The following SPAG16 variants were observed in gnomAD, a reference collection of about 807,000 sequenced individuals.
SPAG16 encodes sperm-associated antigen 16 protein.
Under a neutral mutation model 80.4 loss-of-function variants are expected in SPAG16, and 86 were observed. The ratio of observed to expected loss-of-function variants is 1.07; its 90% CI spans 0.90 to 1.28. SPAG16 has a LOEUF of 1.28. Ranked by LOEUF, SPAG16 falls within the 50% of genes most tolerant of loss-of-function variation. The probability of loss-of-function intolerance (pLI) is 0.00; values close to 1 mark genes in which losing one functional copy is unlikely to be tolerated. For synonymous variants in SPAG16, 294 were observed against 265.9 expected, an observed-to-expected ratio of 1.11 and a Z score of -1.03; for missense variants, 870 against 765.3, an observed-to-expected ratio of 1.14 and a Z score of -1.61.
At chr2:213,850,340 C>A (rs1206494059) in intron 10 of SPAG16, among the ~76,000 whole-genome samples, 1 of 152,134 alleles carries the variant, frequency 6.6e-6, no homozygotes, top group African/African-American at 2.4e-5. Flanking sequence ...AAAAGCAAAA[C>A]AAATTTGTTT....
intron 15 of SPAG16, among the ~76,000 whole-genome samples, chr2:214,365,408 G>A (rs1699415668): frequency 6.6e-6 from 1 of 152,114 alleles, no homozygotes; most frequent in Admixed American, 6.6e-5. Context: ...TTGACTGATT[G>A]GAAGATGCTA....
chr2:213,825,701 C>CTTTTTTTTTT (rs55777958), intron 10 of SPAG16, among the ~76,000 whole-genome samples: 16 of 109,758 alleles, frequency 1.5e-4, no homozygotes, highest in East Asian at 2.6e-4. Context: ...TTCTTTCTTT[C>CTTTTTTTTTT]TTTTTTTTTT....
At chr2:213,799,847 A>G (rs1251522916) in intron 10 of SPAG16, among the ~76,000 whole-genome samples, 1 of 152,058 alleles carries the variant, frequency 6.6e-6, no homozygotes. Flanking sequence ...TATCAATAGG[A>G]AACATATAAC....
intron 3 of SPAG16, among the ~76,000 whole-genome samples, chr2:213,305,786 A>G (rs1230266037): frequency 3.9e-5 from 6 of 152,122 alleles, no homozygotes; most frequent in Non-Finnish European, 5.9e-5. Flanking sequence ...TTTTGCATCT[A>G]TGTTCATCAG....
chr2:213,555,094 A>G (rs1400508150), intron 10 of SPAG16, among the ~76,000 whole-genome samples: 1 of 152,196 alleles, frequency 6.6e-6, no homozygotes, highest in Non-Finnish European at 1.5e-5. Context: ...AAGCACCAAG[A>G]GAAAAGAAGC....
Position 213,642,737 on chromosome 2 carries a change from C to T in SPAG16, c.1070+152647C>T, listed in dbSNP as rs546020475. 4.8e-5 allele frequency among the ~76,000 whole-genome samples: 3 copies of T among 61,972 alleles called. 1 individual carries two copies. Among genetic ancestry groups the T allele is most frequent in the South Asian group, 4.5e-4 (1 of 2,246 alleles). The allele number at this position is 61,972 out of a possible 152,430, so 40.7% of individuals were successfully genotyped here. On this transcript the variant is annotated intron_variant, in intron 10 of 15. Transcript: ENST00000331683. ...TTGGGAGGCTGAGGCAGGAGAATGGCGTGAACCCGGGAGGCGGAGCTTGCA... is the reference window on the plus strand; with the variant it reads ...TTGGGAGGCTGAGGCAGGAGAATGGTGTGAACCCGGGAGGCGGAGCTTGCA...
chr2:213,380,822 G>T (rs575011810), intron 9 of SPAG16, among the ~76,000 whole-genome samples: 1 of 152,314 alleles, frequency 6.6e-6, no homozygotes, highest in South Asian at 2.1e-4. Context: ...AGCTTGCACA[G>T]CAGCCTGGAC....
chr2:214,112,267 C>T (rs2053704104), intron 14 of SPAG16, among the ~76,000 whole-genome samples: 1 of 152,078 alleles, frequency 6.6e-6, no homozygotes, highest in Non-Finnish European at 1.5e-5. Flanking sequence ...CGATGTGGTG[C>T]TGAGAGGAAT....
chr2:214,214,695 T>C (rs748263865), intron 15 of SPAG16, among the ~76,000 whole-genome samples: 7 of 151,704 alleles, frequency 4.6e-5, no homozygotes, highest in Non-Finnish European at 1.0e-4. Context: ...TGGGATGCCC[T>C]CTTTATAAAA....
intron 10 of SPAG16, among the ~76,000 whole-genome samples, chr2:213,696,495 T>G (rs112854842): frequency 0.027 from 4,168 of 152,156 alleles, 189 homozygotes; most frequent in African/African-American, 0.095. Context: ...TGGCTCACTC[T>G]AATACTTAAA....
chr2:214,209,033 T>G (rs1195208564), intron 15 of SPAG16, among the ~76,000 whole-genome samples: 1 of 152,130 alleles, frequency 6.6e-6, no homozygotes, highest in Non-Finnish European at 1.5e-5. Context: ...TTTATCATTA[T>G]TTTTTCTGGC....
chr2:214,367,953 A>G (rs1699588081), intron 15 of SPAG16, among the ~76,000 whole-genome samples: 1 of 152,166 alleles, frequency 6.6e-6, no homozygotes. Context: ...CTTGAAGGTT[A>G]GAATAATATA....
chr2:213,602,720 A>G (rs1042856079), intron 10 of SPAG16, among the ~76,000 whole-genome samples: 10 of 152,206 alleles, frequency 6.6e-5, no homozygotes, highest in East Asian at 1.9e-4. Context: ...AATTTCCTGC[A>G]TATTATTTAT....
intron 15 of SPAG16, among the ~76,000 whole-genome samples, chr2:214,395,727 T>A (rs1403482538): frequency 3.9e-5 from 6 of 151,988 alleles, no homozygotes; most frequent in African/African-American, 7.2e-5. Flanking sequence ...TTTTTCCTTT[T>A]TGTGTCCTTG....
At chr2:213,871,473 C>A (rs2075941704) in intron 11 of SPAG16, among the ~76,000 whole-genome samples, 3 of 151,726 alleles carry the variant, frequency 2.0e-5, no homozygotes, top group Admixed American at 2.0e-4. Context: ...GTGAAATGTC[C>A]AAAGGGGATT....
intron 14 of SPAG16, among the ~76,000 whole-genome samples, chr2:214,135,934 C>T (rs1425530945): frequency 6.6e-6 from 1 of 152,092 alleles, no homozygotes; most frequent in Admixed American, 6.5e-5. Context: ...TTGGGTGGCT[C>T]ACAGTTCTGC....
chr2:213,469,306 A>C (rs947426668), intron 9 of SPAG16, among the ~76,000 whole-genome samples: 3 of 152,360 alleles, frequency 2.0e-5, no homozygotes, highest in Non-Finnish European at 4.4e-5. Context: ...ACTATTACAT[A>C]AAGTTAATAA....
intron 10 of SPAG16, among the ~76,000 whole-genome samples, chr2:213,707,067 T>C (rs1350304409): frequency 6.6e-6 from 1 of 152,228 alleles, no homozygotes; most frequent in Non-Finnish European, 1.5e-5. Context: ...TCATATTCTA[T>C]TGGTCACATA....
intron 15 of SPAG16, among the ~76,000 whole-genome samples, chr2:214,262,900 CAG>C (rs1338889958): frequency 6.6e-6 from 1 of 152,004 alleles, no homozygotes; most frequent in African/African-American, 2.4e-5. Context: ...TTTAAACAAA[CAG>C]TATCATTTTA....
Sources: gnomAD v4.1 joint callset for allele counts (sites outside exome capture counted in the v4.1 genomes callset) on GRCh38, gnomAD v4.1.1 for gene constraint, MANE v1.5 for transcripts, NCBI Gene and HGNC (gene_info 2026-07-23, HGNC 2026-07-21) for gene names.